The following SEC14L1 variants were observed in gnomAD, a reference collection of about 807,000 sequenced individuals.
SEC14L1 encodes SEC14-like protein 1.
Under a neutral mutation model 85.3 loss-of-function variants are expected in SEC14L1, and 48 were observed. The ratio of observed to expected loss-of-function variants is 0.56; its 90% confidence interval spans 0.45 to 0.72. The LOEUF (loss-of-function observed/expected upper bound fraction) is 0.72, where lower values mean the gene tolerates loss of function less well. SEC14L1 is among the 30% of genes least tolerant of loss of function. The pLI, the probability that SEC14L1 is intolerant of heterozygous loss-of-function variation, is 0.00. For missense variants in SEC14L1, 682 were observed against 921.4 expected, an observed-to-expected ratio of 0.74 and a Z score of 3.36; for synonymous variants, 391 against 355.5, an observed-to-expected ratio of 1.10 and a Z score of -1.12.
At chr17:77,100,592 A>G (rs1598217733) in intron 3 of SEC14L1, among the ~76,000 whole-genome samples, 1 of 149,604 alleles carries the variant, frequency 6.7e-6, no homozygotes, top group South Asian at 2.1e-4. Context: ...GCCCACCACC[A>G]CGCCCGGCTA....
chr17:77,093,909 A>G (rs1315318148), intron 3 of SEC14L1: 1 of 152,172 alleles, frequency 6.6e-6, no homozygotes, highest in Non-Finnish European at 1.5e-5. Flanking sequence ...AGATTGGTAC[A>G]TTTGAGGGTT....
chr17:77,125,342 C>G (rs1972417564), intron 3 of SEC14L1, among the ~76,000 whole-genome samples: 1 of 151,754 alleles, frequency 6.6e-6, no homozygotes, highest in Non-Finnish European at 1.5e-5. Flanking sequence ...AAAAAAAACT[C>G]TTCTTATTAT....
chr17:77,213,806 G>A lies in SEC14L1; in HGVS notation c.2043-112G>A. The A allele has an allele frequency of 2.2e-6, 3 of 1,347,966 alleles. No individual in the cohort carries two copies. Among genetic ancestry groups the A allele is most frequent in the South Asian group, 1.2e-5 (1 of 84,770 alleles). The allele number at this position is 1,347,966 out of a possible 1,614,324, so 83.5% of individuals were successfully genotyped here. On this transcript the variant is annotated intron_variant, in intron 16 of 16. Transcript: ENST00000436233. This position sits in a 1 kb window ranked among gnomAD's most constrained non-coding sequence, Gnocchi z 7.1. ...TCCCCCGTTTGCAAGCACTGATGGGGATGAGAAGTGAGCAGAGAACAGGGT... is the reference window on the plus strand; with the variant it reads ...TCCCCCGTTTGCAAGCACTGATGGGAATGAGAAGTGAGCAGAGAACAGGGT...
intron 3 of SEC14L1, among the ~76,000 whole-genome samples, chr17:77,188,124 A>T (rs763895136): frequency 1.3e-5 from 2 of 152,262 alleles, no homozygotes; most frequent in Non-Finnish European, 2.9e-5. Context: ...ATTATTCACA[A>T]GGAATAATCT....
chr17:77,192,631 T>C (rs781122477), intron 5 of SEC14L1, among the ~76,000 whole-genome samples: 3 of 151,712 alleles, frequency 2.0e-5, no homozygotes, highest in Non-Finnish European at 4.4e-5. Context: ...GCCACCCATT[T>C]AATTCTGCAG....
intron 3 of SEC14L1, among the ~76,000 whole-genome samples, chr17:77,188,685 A>G (rs1975384298): frequency 6.6e-6 from 1 of 151,992 alleles, no homozygotes. Flanking sequence ...TGGGTTGTAT[A>G]CCGTTGCATG....
At chr17:77,088,903 C>T (rs1971436883) in exon 1 of SEC14L1, 1 of 159,694 alleles carries the variant, frequency 6.3e-6, no homozygotes, top group Non-Finnish European at 1.4e-5. Context: ...GAGACCAGAC[C>T]CCCTCCACGG....
intron 3 of SEC14L1, among the ~76,000 whole-genome samples, chr17:77,184,244 A>C (rs1975170046): frequency 6.6e-6 from 1 of 152,126 alleles, no homozygotes; most frequent in African/African-American, 2.4e-5. Flanking sequence ...TGCCCATGAG[A>C]TCTTTCCATT....
intron 3 of SEC14L1, among the ~76,000 whole-genome samples, chr17:77,097,548 G>A (rs557176425): frequency 1.4e-5 from 2 of 146,130 alleles, no homozygotes; most frequent in Admixed American, 7.3e-5. Context: ...TGGCGACAGA[G>A]CAAGACTCCA....
chr17:77,192,467 C>T (rs1338174738), intron 5 of SEC14L1, among the ~76,000 whole-genome samples: 1 of 152,180 alleles, frequency 6.6e-6, no homozygotes, highest in Non-Finnish European at 1.5e-5. Context: ...GAGTTCTCTC[C>T]TGGTTACGCC....
chr17:77,173,959 GGCACGAT>G (rs1465858998), intron 3 of SEC14L1, among the ~76,000 whole-genome samples: 2 of 151,722 alleles, frequency 1.3e-5, no homozygotes, highest in Admixed American at 1.3e-4. Context: ...GGAGTGCAAT[GGCACGAT>G]CTCCGCTCAC....
At chr17:77,166,242 C>G (rs1466092943) in intron 3 of SEC14L1, among the ~76,000 whole-genome samples, 1 of 152,170 alleles carries the variant, frequency 6.6e-6, no homozygotes, top group African/African-American at 2.4e-5. Context: ...TGCTTGGCCC[C>G]CTACTTATTC....
chr17:77,126,352 A>G (rs1972447812), intron 3 of SEC14L1, among the ~76,000 whole-genome samples: 2 of 152,226 alleles, frequency 1.3e-5, no homozygotes. Context: ...CAACTGGTAG[A>G]AAATAGAGGG....
Position 77,213,385 on chromosome 17 carries a change from C to G in SEC14L1, c.1935C>G (p.Ala645=). ...QWKFHSMPAC[A]ASSLPRVDDV... ...AATTCCACAGCATGCCTGCGTGCGC[C>G]GCCAGCAGCCTTCCCCGGGTGGACG... Residue 645 remains alanine (A), a synonymous_variant, in exon 16 of 17, where the codon GCC becomes GCG. Transcript: ENST00000436233. This position sits in a 1 kb window ranked among gnomAD's most constrained non-coding sequence, Gnocchi z 7.1. The G allele has an allele frequency of 6.2e-7, 1 of 1,613,502 alleles. No individual in the cohort carries two copies. The highest frequency in any genetic ancestry group is 8.5e-7 in the Non-Finnish European group (1 of 1,179,976).
intron 3 of SEC14L1, among the ~76,000 whole-genome samples, chr17:77,148,028 G>A (rs1415942534): frequency 6.6e-6 from 1 of 152,156 alleles, no homozygotes; most frequent in African/African-American, 2.4e-5. Context: ...ACTTAGAATG[G>A]GATGTATAAT....
At chr17:77,105,892 G>T (rs943138871) in intron 3 of SEC14L1, among the ~76,000 whole-genome samples, 1 of 151,778 alleles carries the variant, frequency 6.6e-6, no homozygotes, top group Non-Finnish European at 1.5e-5. Flanking sequence ...ATCTTCCCTA[G>T]TGCAAAACTC....
intron 15 of SEC14L1, 90 bp downstream of exon 15, chr17:77,212,291 A>G (rs1209766361): frequency 2.6e-6 from 4 of 1,540,968 alleles, no homozygotes; most frequent in Non-Finnish European, 3.5e-6. Flanking sequence ...TCGCTCCTTG[A>G]GCAGCCCTGT....
At chr17:77,202,875 TGCCACTGCACTCCAG>T (rs1976230264) in intron 9 of SEC14L1, among the ~76,000 whole-genome samples, 1 of 150,530 alleles carries the variant, frequency 6.6e-6, no homozygotes, top group Non-Finnish European at 1.5e-5. Flanking sequence ...GCTGAGATCG[TGCCACTGCACTCCAG>T]CTTGGGTGAC....
chr17:77,185,153 T>C, intron 3 of SEC14L1: 1 of 908,198 alleles, frequency 1.1e-6, no homozygotes, highest in Non-Finnish European at 1.3e-6. Flanking sequence ...AAGGACTTTG[T>C]TTTAGGCATT....
Sources: gnomAD v4.1 joint callset for allele counts (sites outside exome capture counted in the v4.1 genomes callset) on GRCh38, gnomAD v4.1.1 for gene constraint, Gnocchi (gnomAD v3.1) non-coding constraint, MANE v1.5 for transcripts, NCBI Gene and HGNC (gene_info 2026-07-23, HGNC 2026-07-21) for gene names.